The following EPG5 variants were observed in gnomAD, a reference collection of about 807,000 sequenced individuals.
The protein encoded by EPG5 is ectopic P-granules 5 autophagy tethering factor.
In EPG5, 159 loss-of-function variants were observed where a neutral mutation model predicts 302.7. That is an observed-to-expected ratio of 0.53 (90% CI 0.46 to 0.60). The LOEUF (loss-of-function observed/expected upper bound fraction) is 0.60, where lower values mean the gene tolerates loss of function less well. Ranked by LOEUF, EPG5 falls within the 20% of genes least tolerant of loss-of-function variation. The pLI is 0.00. For missense variants in EPG5, 2,896 were observed against 3,092.4 expected (o/e 0.94, Z 1.51); for synonymous variants, 1,158 against 1,136.8 (o/e 1.02, Z -0.37).
chr18:45,886,471 C>T (rs1168853943), intron 29 of EPG5, among the ~76,000 whole-genome samples: 1 of 152,164 alleles, frequency 6.6e-6, no homozygotes, highest in Admixed American at 6.5e-5. Context: ...AAGTGCCTAT[C>T]CATATCTATA....
chr18:45,966,231 G>A (rs1361948927), intron 1 of EPG5, among the ~76,000 whole-genome samples: 3 of 151,582 alleles, frequency 2.0e-5, no homozygotes, highest in South Asian at 2.1e-4. Flanking sequence ...AATTAGCCGG[G>A]CGTGGTGGCA....
At chr18:45,821,360 A>C in the EPG5 span, among the ~76,000 whole-genome samples, 1 of 152,234 alleles carries the variant, frequency 6.6e-6, no homozygotes, top group Non-Finnish European at 1.5e-5. Flanking sequence ...CTATATGTGG[A>C]ATTATTTTAA....
intron 2 of EPG5, 30 bp downstream of exon 2, chr18:45,954,364 G>A (rs771755676): frequency 1.3e-6 from 2 of 1,550,588 alleles, no homozygotes; most frequent in Admixed American, 1.9e-5. Flanking sequence ...CAGCTCCGCT[G>A]CAAATTCCCC....
At chr18:45,949,360 A>C in intron 5 of EPG5, 124 bp downstream of exon 5, 2 of 590,948 alleles carry the variant, frequency 3.4e-6, no homozygotes, top group Non-Finnish European at 5.8e-6. Flanking sequence ...ATATATTTTA[A>C]GAATTTTATT....
intron 17 of EPG5, among the ~76,000 whole-genome samples, chr18:45,917,026 G>A (rs1010283840): frequency 6.6e-6 from 1 of 152,192 alleles, no homozygotes; most frequent in African/African-American, 2.4e-5. Context: ...ATCTCCGGGG[G>A]AGAAACCTGG....
chr18:45,914,805 A>G (rs1407639327), intron 20 of EPG5, among the ~76,000 whole-genome samples: 1 of 152,130 alleles, frequency 6.6e-6, no homozygotes, highest in African/African-American at 2.4e-5. Context: ...TACTCCTGAG[A>G]CAGTCCTTAA....
intron 13 of EPG5, among the ~76,000 whole-genome samples, chr18:45,927,243 G>C (rs2050292616): frequency 6.6e-6 from 1 of 151,938 alleles, no homozygotes; most frequent in Non-Finnish European, 1.5e-5. Flanking sequence ...ATTTCACCGT[G>C]TTAGCCAGGA....
At chr18:45,842,497 T>C in the EPG5 span, 1 of 333,600 alleles carries the variant, frequency 3.0e-6, no homozygotes, top group Non-Finnish European at 5.6e-6. Context: ...CTTCCAGAAA[T>C]GTTCCCTTGC....
chr18:45,897,569 G>A (rs985424459), intron 27 of EPG5, among the ~76,000 whole-genome samples: 1 of 151,964 alleles, frequency 6.6e-6, no homozygotes, highest in Non-Finnish European at 1.5e-5. Context: ...TAGTAACTGG[G>A]AAAAAAATAC....
chr18:45,899,575 C>A lies in EPG5; in HGVS notation c.4647-9G>T, dbSNP rs1438926144. 1 of 1,613,616 alleles carries A rather than the reference C, an allele frequency of 6.2e-7. No homozygotes were observed. The highest frequency in any genetic ancestry group is 8.5e-7 in the Non-Finnish European group (1 of 1,179,702). On this transcript the variant is annotated splice_polypyrimidine_tract_variant and intron_variant, in intron 26 of 43. Coordinates refer to ENST00000282041, the MANE Select transcript of EPG5 (RefSeq NM_020964.3). Reference sequence around the variant, plus strand: ...CCCGAAGAGCTGCGGTTCTGAAAAACATCATCAGGAGGTAAAAGAAAGTCT... The same window carrying A: ...CCCGAAGAGCTGCGGTTCTGAAAAAAATCATCAGGAGGTAAAAGAAAGTCT...
rs1472510462 is a variant in EPG5, at chr18:45,855,581, C to A, written c.7549G>T (p.Ala2517Ser). Residue 2517 changes from alanine (A) to serine (S), a missense_variant, in exon 43 of 44, where the codon GCT becomes TCT. This residue lies in a region of EPG5 where 620 missense variants were observed against 704.2 expected (regional missense o/e 0.88). Coordinates refer to ENST00000282041, the MANE Select transcript of EPG5 (RefSeq NM_020964.3). ...TCATTGTATATACTGACCTGCTGAG[C>A]TTTGGGGGTCAGATGTAATTCAGAG... ...PGSELHLTPK[A>S]QQALNALESM... 18 of 1,613,634 alleles carry A rather than the reference C, an allele frequency of 1.1e-5. No individual in the cohort carries two copies. Among genetic ancestry groups the A allele is most frequent in the Non-Finnish European group, 1.5e-5 (18 of 1,179,596 alleles).
At chr18:45,802,900 G>A in the EPG5 span, among the ~76,000 whole-genome samples, 1 of 152,154 alleles carries the variant, frequency 6.6e-6, no homozygotes, top group African/African-American at 2.4e-5. Context: ...GCATTAGTAG[G>A]TGGCCTGACC....
intron 30 of EPG5, among the ~76,000 whole-genome samples, chr18:45,884,078 AACT>A (rs1459298400): frequency 6.6e-6 from 1 of 152,200 alleles, no homozygotes; most frequent in East Asian, 1.9e-4. Context: ...GGATGTACTA[AACT>A]ACTATTATGA....
the EPG5 span, among the ~76,000 whole-genome samples, chr18:45,809,968 C>T: frequency 5.3e-5 from 8 of 152,138 alleles, no homozygotes; most frequent in African/African-American, 1.7e-4. Context: ...TAATAGACTA[C>T]TAGCAAAGTT....
chr18:45,908,282 T>C (rs982055423), intron 23 of EPG5, among the ~76,000 whole-genome samples: 1 of 152,016 alleles, frequency 6.6e-6, no homozygotes, highest in Non-Finnish European at 1.5e-5. Flanking sequence ...TCAAATATGA[T>C]GCGATAATTG....
intron 26 of EPG5, among the ~76,000 whole-genome samples, chr18:45,899,975 C>T (rs9947914): frequency 6.6e-6 from 1 of 152,064 alleles, no homozygotes; most frequent in East Asian, 1.9e-4. Flanking sequence ...GAAAGCTAAT[C>T]GCATACATGG....
chr18:45,940,200 AAGCGCCG>A (rs1454174850), intron 9 of EPG5, among the ~76,000 whole-genome samples: 2 of 152,310 alleles, frequency 1.3e-5, no homozygotes, highest in African/African-American at 4.8e-5. Flanking sequence ...GCCAATGCAA[AAGCGCCG>A]AGGGGTGTCA....
intron 15 of EPG5, among the ~76,000 whole-genome samples, chr18:45,922,810 T>G (rs1599579631): frequency 6.6e-6 from 1 of 152,242 alleles, no homozygotes; most frequent in East Asian, 1.9e-4. Flanking sequence ...GAACCTGATC[T>G]TAGCTCATGT....
At chr18:45,810,047 C>T in the EPG5 span, among the ~76,000 whole-genome samples, 2 of 151,848 alleles carry the variant, frequency 1.3e-5, no homozygotes, top group African/African-American at 4.8e-5. Flanking sequence ...TAACTGAAAC[C>T]ACAGAAATAC....
Sources: allele counts gnomAD v4.1 joint callset (sites outside exome capture counted in the v4.1 genomes callset), GRCh38; gene constraint gnomAD v4.1.1; regional missense constraint gnomAD v4.1.1; transcripts MANE v1.5; gene names NCBI Gene and HGNC (gene_info 2026-07-23, HGNC 2026-07-21).